SYCP1: variants seen among roughly 807,000 people sequenced by gnomAD.
SYCP1 encodes synaptonemal complex protein 1, also known as cancer/testis antigen 8.
SYCP1 carries 64 observed loss-of-function variants against 153.1 expected under a neutral mutation model. The ratio of observed to expected loss-of-function variants is 0.42; its 90% CI spans 0.34 to 0.51. SYCP1 has a LOEUF of 0.51. Ranked by LOEUF, SYCP1 falls within the 20% of genes least tolerant of loss-of-function variation. SYCP1 has a pLI of 0.06. For missense variants in SYCP1, 997 were observed against 1,049.0 expected, an observed-to-expected ratio of 0.95 and a Z score of 0.68; for synonymous variants, 384 against 341.8, an observed-to-expected ratio of 1.12 and a Z score of -1.36.
Position 114,881,501 on chromosome 1 carries a change from A to ATCCTTCCTTCCTTCCTTCCTTCCTTCCT in SYCP1, c.910+3313_910+3340dup, listed in dbSNP as rs71093615. 3.4e-3 allele frequency among the ~76,000 whole-genome samples: 351 copies of ATCCTTCCTTCCTTCCTTCCTTCCTTCCT among 102,734 alleles called. 4 individuals are homozygous for ATCCTTCCTTCCTTCCTTCCTTCCTTCCT. Among genetic ancestry groups the ATCCTTCCTTCCTTCCTTCCTTCCTTCCT allele is most frequent in the Middle Eastern group, 0.016 (3 of 190 alleles). 67.4% of individuals were successfully genotyped at this position (102,734 alleles called of 152,430 possible). A position where few individuals can be genotyped will look rare whatever the true frequency, so the allele number is the denominator to read the frequency against. On this transcript the variant is annotated intron_variant, in intron 12 of 31. Transcript: ENST00000369522. ...TTTCTTTTAGCACATGGAAGGTATT[A>ATCCTTCCTTCCTTCCTTCCTTCCTTCCT]TCCTTCCTTCCTTCCTTCCTTCCTT...
chr1:114,856,732 G>A, intron 3 of SYCP1, 75 bp downstream of exon 3: 1 of 1,076,522 alleles, frequency 9.3e-7, no homozygotes, highest in African/African-American at 1.6e-5. Flanking sequence ...TATTGAAAAT[G>A]TAACATAAGT....
At chr1:114,982,864 A>C (rs958863666) in intron 29 of SYCP1, among the ~76,000 whole-genome samples, 1 of 151,888 alleles carries the variant, frequency 6.6e-6, no homozygotes, top group African/African-American at 2.4e-5. Context: ...TCCTATTCCC[A>C]TGATTTGTTG....
At chr1:114,891,762 TATATA>T (rs1476689211) in intron 15 of SYCP1, among the ~76,000 whole-genome samples, 2 of 152,208 alleles carry the variant, frequency 1.3e-5, no homozygotes, top group Non-Finnish European at 2.9e-5. Flanking sequence ...GATTATCAGA[TATATA>T]ATATAATAAC....
rs183746687 is a variant in SYCP1, at chr1:114,981,256, T to C, written c.2383-80T>C. 4.5e-3 allele frequency: 5,071 copies of C among 1,123,922 alleles called. 25 individuals are homozygous for C. The highest frequency in any genetic ancestry group is 5.8e-3 in the Non-Finnish European group (4,630 of 797,222). 69.6% of individuals were successfully genotyped at this position (1,123,922 alleles called of 1,614,324 possible). On this transcript the variant is annotated intron_variant, in intron 28 of 31. Coordinates refer to ENST00000369522, the MANE Select transcript of SYCP1 (RefSeq NM_003176.4). ...CTTATTTTGTTGTGAATTCTACTAG[T>C]TGCTGCACTTTAATTAAAGAAATAA...
At chr1:114,869,589 C>T (rs2101396294) in intron 8 of SYCP1, among the ~76,000 whole-genome samples, 1 of 152,142 alleles carries the variant, frequency 6.6e-6, no homozygotes, top group South Asian at 2.1e-4. Context: ...AGCCCTAATC[C>T]AAAAATCCCA....
chr1:114,931,557 G>A (rs1669635585), intron 23 of SYCP1, among the ~76,000 whole-genome samples: 6 of 152,082 alleles, frequency 3.9e-5, no homozygotes, highest in Admixed American at 3.9e-4. Context: ...GAACAGTACT[G>A]AACATTACTG....
At chr1:114,857,136 C>CAAAAAAAAAAAAAAAAAAAAAAAAAA (rs71582509) in intron 3 of SYCP1, 96 bp from the exon 4 acceptor site, 36 of 245,196 alleles carry the variant, frequency 1.5e-4, no homozygotes, top group South Asian at 2.6e-4. Flanking sequence ...CTCTCTCTCT[C>CAAAAAAAAAAAAAAAAAAAAAAAAAA]AAAAAAAAAA....
intron 2 of SYCP1, among the ~76,000 whole-genome samples, 190 bp from the exon 3 acceptor site, chr1:114,856,383 A>G (rs1663939904): frequency 6.6e-6 from 1 of 152,236 alleles, no homozygotes; most frequent in African/African-American, 2.4e-5. Flanking sequence ...AAGTGGAAAT[A>G]TCTAATTAGA....
chr1:114,901,883 C>T (rs1468747006), intron 16 of SYCP1, among the ~76,000 whole-genome samples: 1 of 152,198 alleles, frequency 6.6e-6, no homozygotes, highest in Non-Finnish European at 1.5e-5. Context: ...AGCTTAGATG[C>T]TGGGCTGTGT....
chr1:114,898,855 T>C (rs977499371), intron 16 of SYCP1, among the ~76,000 whole-genome samples: 1 of 152,218 alleles, frequency 6.6e-6, no homozygotes, highest in Non-Finnish European at 1.5e-5. Context: ...GGCCCAGCCA[T>C]GGATTTGTAT....
intron 11 of SYCP1, 153 bp downstream of exon 11, chr1:114,876,963 TC>T (rs1665584943): frequency 3.0e-6 from 1 of 334,218 alleles, no homozygotes; most frequent in East Asian, 5.5e-5. Context: ...GCCTTTAGAC[TC>T]ACTTAATTTT....
At chr1:114,990,690 A>G (rs1261359303) in intron 30 of SYCP1, among the ~76,000 whole-genome samples, 2 of 151,984 alleles carry the variant, frequency 1.3e-5, no homozygotes, top group Non-Finnish European at 2.9e-5. Flanking sequence ...ATGCCAACAA[A>G]TTAGATAACC....
At chr1:114,959,015 G>A (rs951995866) in intron 27 of SYCP1, among the ~76,000 whole-genome samples, 1 of 151,406 alleles carries the variant, frequency 6.6e-6, no homozygotes, top group Non-Finnish European at 1.5e-5. Flanking sequence ...TCATTCTGTG[G>A]GTTGTTTTTT....
At chr1:114,874,226 C>G (rs761765820) in intron 8 of SYCP1, among the ~76,000 whole-genome samples, 1 of 152,184 alleles carries the variant, frequency 6.6e-6, no homozygotes, top group Non-Finnish European at 1.5e-5. Flanking sequence ...TGCGACTTTA[C>G]TTCTCTTAAG....
chr1:114,956,626 C>T (rs184531809), intron 27 of SYCP1, among the ~76,000 whole-genome samples: 3 of 152,324 alleles, frequency 2.0e-5, no homozygotes, highest in Admixed American at 6.5e-5. Flanking sequence ...GCCACTCGGA[C>T]AATCTTCTGA....
intron 7 of SYCP1, among the ~76,000 whole-genome samples, chr1:114,860,164 GTTAA>G (rs1423893907): frequency 6.6e-6 from 1 of 152,084 alleles, no homozygotes; most frequent in African/African-American, 2.4e-5. Flanking sequence ...TTAGTTCCAA[GTTAA>G]TTCTTACTCA....
At chr1:114,951,144 A>G (rs1242513814) in intron 27 of SYCP1, among the ~76,000 whole-genome samples, 2 of 152,204 alleles carry the variant, frequency 1.3e-5, no homozygotes, top group Non-Finnish European at 2.9e-5. Flanking sequence ...TTTTATACAC[A>G]TTTTAAGAAT....
chr1:114,979,035 G>A (rs910069494), intron 28 of SYCP1, among the ~76,000 whole-genome samples: 2 of 151,378 alleles, frequency 1.3e-5, no homozygotes, highest in African/African-American at 4.8e-5. Flanking sequence ...ATTAGCAAAT[G>A]CCATATATTT....
intron 2 of SYCP1, 72 bp downstream of exon 2, chr1:114,855,644 C>T (rs1663885875): frequency 1.7e-6 from 2 of 1,200,936 alleles, no homozygotes; most frequent in Admixed American, 2.3e-5. Context: ...TACTTTCTTC[C>T]TGGTGGTGTT....
Sources: allele counts gnomAD v4.1 joint callset (sites outside exome capture counted in the v4.1 genomes callset), GRCh38; gene constraint gnomAD v4.1.1; transcripts MANE v1.5; gene names NCBI Gene and HGNC (gene_info 2026-07-23, HGNC 2026-07-21).